Variants in PRDM5 observed in about 807,000 individuals in gnomAD.
PRDM5 encodes PR/SET domain 5, also known as PR domain zinc finger protein 5.
A neutral mutation model predicts 81.2 loss-of-function variants in PRDM5; 56 were observed. The observed-to-expected ratio is 0.69, with a 90% CI of 0.56 to 0.86. The LOEUF (loss-of-function observed/expected upper bound fraction) is 0.86. Among genes scored for constraint, PRDM5 ranks in the 40% least tolerant of loss-of-function variants. The pLI, the probability that PRDM5 is intolerant of heterozygous loss-of-function variation, is 0.00. For missense variants in PRDM5, 697 were observed against 770.1 expected (o/e 0.91, Z 1.12); for synonymous variants, 267 against 256.4 (o/e 1.04, Z -0.39).
Position 120,787,043 on chromosome 4 carries a change from C to A in PRDM5, c.1189-1952G>T, listed in dbSNP as rs113276497. ...ACTAGCAGAGGAGAAGGACAATAAA[C>A]AAATGAAAAAGTATGTACTATATTA... On this transcript the variant is annotated intron_variant, in intron 10 of 15. Coordinates refer to ENST00000264808, the MANE Select transcript of PRDM5 (RefSeq NM_018699.4). 6.2e-3 allele frequency among the ~76,000 whole-genome samples: 943 copies of A among 152,092 alleles called. 9 individuals are homozygous for A. The highest frequency in any genetic ancestry group is 0.023 in the South Asian group (112 of 4,812).
In PRDM5 at chr4:120,798,402, C is replaced by A; in HGVS notation, c.1053G>T (p.Glu351Asp). 1 of 1,610,700 alleles carries A rather than the reference C, an allele frequency of 6.2e-7. No homozygotes were observed. The highest frequency in any genetic ancestry group is 8.5e-7 in the Non-Finnish European group (1 of 1,177,662). ...GCCTCTTGAAAGACTTATTACAAAT[C>A]TCGCAATTATAGGGTCGTTTTTCTA... ...THSEKRPYNC[E>D]ICNKSFKRLD... The change falls in exon 10 of 16, where the codon GAG (glutamate) becomes GAT (aspartate). Residue 351 changes from glutamate (E) to aspartate (D), a missense_variant. Physicochemically the swap from Glu to Asp is conservative, Grantham distance 45. Coordinates refer to ENST00000264808, the MANE Select transcript of PRDM5 (RefSeq NM_018699.4).
intron 14 of PRDM5, among the ~76,000 whole-genome samples, chr4:120,743,337 A>T (rs1032696892): frequency 6.6e-6 from 1 of 151,996 alleles, no homozygotes; most frequent in African/African-American, 2.4e-5. Context: ...GCCAAAATGT[A>T]AAGACCATTG....
intron 14 of PRDM5, 119 bp from the exon 15 acceptor site, chr4:120,710,532 T>C (rs1351954521): frequency 2.8e-5 from 23 of 817,962 alleles, no homozygotes; most frequent in South Asian, 1.0e-4. Flanking sequence ...ACAGGTATGC[T>C]GATATGGTTT....
At chr4:120,732,398 C>CT (rs754222798) in intron 14 of PRDM5, among the ~76,000 whole-genome samples, 24 of 151,940 alleles carry the variant, frequency 1.6e-4, no homozygotes, top group Non-Finnish European at 3.2e-4. Flanking sequence ...AAACTTTGTC[C>CT]TTTTCACATT....
chr4:120,864,596 T>C (rs1322285961), intron 2 of PRDM5, among the ~76,000 whole-genome samples: 1 of 152,212 alleles, frequency 6.6e-6, no homozygotes, highest in African/African-American at 2.4e-5. Flanking sequence ...CCTAGCAGTG[T>C]CATCATAGAG....
At chr4:120,704,725 T>A (rs546491271) in intron 15 of PRDM5, among the ~76,000 whole-genome samples, 1 of 152,124 alleles carries the variant, frequency 6.6e-6, no homozygotes, top group South Asian at 2.1e-4. Flanking sequence ...GAGCGTGCAG[T>A]CCATGGCTTG....
At chr4:120,881,245 C>T (rs1281388973) in intron 2 of PRDM5, among the ~76,000 whole-genome samples, 2 of 152,020 alleles carry the variant, frequency 1.3e-5, no homozygotes, top group African/African-American at 4.8e-5. Context: ...ATTTATTTCT[C>T]AAGAAAATCT....
intron 2 of PRDM5, chr4:120,895,731 G>A (rs1271820934): frequency 6.6e-6 from 1 of 152,208 alleles, no homozygotes; most frequent in African/African-American, 2.4e-5. Context: ...CTATAGCCCA[G>A]GCTGGCACCA....
intron 1 of PRDM5, among the ~76,000 whole-genome samples, chr4:120,914,735 T>C (rs1010465628): frequency 1.3e-5 from 2 of 152,048 alleles, no homozygotes; most frequent in Non-Finnish European, 2.9e-5. Context: ...TTCACAATCA[T>C]AAAGAGATGG....
In PRDM5 at chr4:120,705,320, T is replaced by G. The variant is rs113578750; in HGVS notation, c.1728+4989A>C. ...CATTGAGCTTATAATAAATGATAAA[T>G]AATTAAACAAATTTTTGGTGGATAT... is the stretch of plus-strand genomic sequence containing the variant. On this transcript the variant is annotated intron_variant, in intron 15 of 15. Coordinates refer to ENST00000264808, the MANE Select transcript of PRDM5 (RefSeq NM_018699.4). 7.2e-3 allele frequency among the ~76,000 whole-genome samples: 1,093 copies of G among 152,242 alleles called. 15 individuals carry two copies. The highest frequency in any genetic ancestry group is 0.025 in the African/African-American group (1,031 of 41,546).
downstream of PRDM5, among the ~76,000 whole-genome samples, chr4:120,688,290 A>G (rs1733909054): frequency 6.6e-6 from 1 of 151,938 alleles, no homozygotes; most frequent in African/African-American, 2.4e-5. Context: ...CTTTGGATAA[A>G]TGTCTACTCA....
intron 14 of PRDM5, among the ~76,000 whole-genome samples, chr4:120,716,685 G>A (rs1349068352): frequency 2.0e-5 from 3 of 152,128 alleles, no homozygotes; most frequent in African/African-American, 7.2e-5. Context: ...GCTCCTTGAA[G>A]GAACTTCTAA....
intron 14 of PRDM5, among the ~76,000 whole-genome samples, chr4:120,724,202 G>C (rs1465823836): frequency 1.3e-5 from 2 of 152,092 alleles, no homozygotes; most frequent in Non-Finnish European, 2.9e-5. Flanking sequence ...GTCATTGAGA[G>C]TAATTTCATC....
At chr4:120,702,305 C>G (rs576337869) in intron 15 of PRDM5, among the ~76,000 whole-genome samples, 1 of 152,182 alleles carries the variant, frequency 6.6e-6, no homozygotes, top group Non-Finnish European at 1.5e-5. Flanking sequence ...CCAAACTAAA[C>G]AGGCCTCCTC....
downstream of PRDM5, among the ~76,000 whole-genome samples, chr4:120,689,303 A>C (rs1733948539): frequency 6.6e-6 from 1 of 151,970 alleles, no homozygotes; most frequent in Non-Finnish European, 1.5e-5. Context: ...AGAACTGGAG[A>C]CTACACCAGT....
At chr4:120,757,786 A>T in intron 13 of PRDM5, among the ~76,000 whole-genome samples, 1 of 148,188 alleles carries the variant, frequency 6.7e-6, no homozygotes, top group South Asian at 2.1e-4. Context: ...TTCTTCTCCC[A>T]GATAGAACAA....
chr4:120,855,025 T>C (rs1427106342), intron 2 of PRDM5, among the ~76,000 whole-genome samples: 2 of 152,140 alleles, frequency 1.3e-5, no homozygotes, highest in Admixed American at 6.5e-5. Context: ...CACCAGATCA[T>C]GCGGGGACCA....
intron 10 of PRDM5, 116 bp from the exon 11 acceptor site, chr4:120,785,207 T>C (rs1578725479): frequency 1.3e-6 from 1 of 788,694 alleles, no homozygotes. Context: ...GGACAGTATC[T>C]GTTTCTTCTA....
chr4:120,713,301 T>G (rs567333585), intron 14 of PRDM5, among the ~76,000 whole-genome samples: 17 of 152,316 alleles, frequency 1.1e-4, no homozygotes, highest in African/African-American at 3.6e-4. Flanking sequence ...ATCTTTTTGC[T>G]TTCAAACAGC....
Sources: allele counts gnomAD v4.1 joint callset (sites outside exome capture counted in the v4.1 genomes callset), GRCh38; gene constraint gnomAD v4.1.1; transcripts MANE v1.5; gene names NCBI Gene and HGNC (gene_info 2026-07-23, HGNC 2026-07-21).